Variants in SLC25A48 observed in about 807,000 individuals in gnomAD.
SLC25A48 encodes the protein solute carrier family 25 member 48, also known as CTC-321K16.1.
In SLC25A48, 29 loss-of-function variants were observed where a neutral mutation model predicts 32.2. The observed-to-expected ratio is 0.90, with a 90% CI of 0.67 to 1.23. The LOEUF is 1.23. SLC25A48 is among the 50% of genes most tolerant of loss of function. The pLI is 0.00. For synonymous variants in SLC25A48, 164 were observed against 172.3 expected (o/e 0.95, Z 0.38); for missense variants, 399 against 422.7 (o/e 0.94, Z 0.49).
At chr5:135,581,609 T>A (rs1004238886) in intron 1 of SLC25A48, among the ~76,000 whole-genome samples, 1 of 152,096 alleles carries the variant, frequency 6.6e-6, no homozygotes, top group Non-Finnish European at 1.5e-5. Flanking sequence ...GGGCACTGAG[T>A]TTTCACAGGA....
At chr5:135,586,321 T>C (rs1376654599) in intron 1 of SLC25A48, among the ~76,000 whole-genome samples, 1 of 152,234 alleles carries the variant, frequency 6.6e-6, no homozygotes, top group Non-Finnish European at 1.5e-5. Flanking sequence ...CCCAGAGTTC[T>C]CAACCAGCTA....
chr5:135,867,143 T>G (rs1290070427), intron 4 of SLC25A48, among the ~76,000 whole-genome samples: 5 of 152,226 alleles, frequency 3.3e-5, no homozygotes, highest in Non-Finnish European at 5.9e-5. Flanking sequence ...TAAAAAATTC[T>G]AATTAGAGAA....
intron 3 of SLC25A48, among the ~76,000 whole-genome samples, chr5:135,792,636 G>C (rs776262678): frequency 6.6e-6 from 1 of 151,570 alleles, no homozygotes; most frequent in Non-Finnish European, 1.5e-5. Context: ...GATATTATTC[G>C]TAACATCCCC....
At chr5:135,856,849 T>C (rs1251960324) in intron 4 of SLC25A48, among the ~76,000 whole-genome samples, 1 of 152,248 alleles carries the variant, frequency 6.6e-6, no homozygotes, top group Non-Finnish European at 1.5e-5. Context: ...TCCAGGCCCC[T>C]GTGCTGGCTC....
In SLC25A48 at chr5:135,592,271, C is replaced by G. The variant is rs1858067; in HGVS notation, c.-849+12674C>G. ...CACCTACTAAGCGCTGAGCCCTTCA[C>G]CCCCGTGGCCTCATCAGGGAGGCGT... On this transcript the variant is annotated intron_variant, in intron 1 of 10. Coordinates refer to the SLC25A48 transcript ENST00000646290. Among the ~76,000 whole-genome samples, 1,478 of 152,310 alleles carry G rather than the reference C, an allele frequency of 9.7e-3. 20 individuals carry two copies. The highest frequency in any genetic ancestry group is 0.033 in the African/African-American group (1,360 of 41,562).
intron 3 of SLC25A48, among the ~76,000 whole-genome samples, chr5:135,806,982 A>G: frequency 6.6e-6 from 1 of 150,538 alleles, no homozygotes; most frequent in Non-Finnish European, 1.5e-5. Flanking sequence ...GTTAAAACAC[A>G]GGATTAACAC....
intron 3 of SLC25A48, chr5:135,653,988 A>C (rs1580757867): frequency 2.2e-6 from 1 of 452,380 alleles, no homozygotes; most frequent in Non-Finnish European, 4.4e-6. Flanking sequence ...CTAACCTGGG[A>C]CCTGCCATAT....
chr5:135,728,652 C>G (rs1350606532), intron 3 of SLC25A48, among the ~76,000 whole-genome samples: 1 of 152,096 alleles, frequency 6.6e-6, no homozygotes, highest in African/African-American at 2.4e-5. Flanking sequence ...ATTACTTCCT[C>G]AGGAAAAACT....
In SLC25A48 at chr5:135,734,855, G is replaced by A. The variant is rs924892838; in HGVS notation, c.-520-77668G>A. On this transcript the variant is annotated intron_variant, in intron 3 of 10. Coordinates refer to the SLC25A48 transcript ENST00000646290. Reference sequence around the variant, plus strand: ...AAAAAAAGAAGAAGAAGAAGGGGACGGACTTAACCTCCACTGTAAGAGTTA... The same window carrying A: ...AAAAAAAGAAGAAGAAGAAGGGGACAGACTTAACCTCCACTGTAAGAGTTA... Among the ~76,000 whole-genome samples the A allele has an allele frequency of 8.0e-5, 12 of 150,910 alleles. No homozygotes were observed. The East Asian group carries it at 1.8e-3, about 22-fold the overall frequency.
At chr5:135,852,258 C>T (rs1253149519) in intron 3 of SLC25A48, among the ~76,000 whole-genome samples, 1 of 152,178 alleles carries the variant, frequency 6.6e-6, no homozygotes, top group African/African-American at 2.4e-5. Flanking sequence ...CCCTTGGCCA[C>T]AGCCTGACTT....
chr5:135,585,040 C>T (rs551654372), intron 1 of SLC25A48, among the ~76,000 whole-genome samples: 21 of 152,340 alleles, frequency 1.4e-4, no homozygotes, highest in African/African-American at 3.8e-4. Context: ...CAGACGCTGG[C>T]GATGGGCGAT....
At chr5:135,819,874 G>A (rs181137051) in intron 4 of SLC25A48, among the ~76,000 whole-genome samples, 18 of 152,178 alleles carry the variant, frequency 1.2e-4, no homozygotes, top group African/African-American at 4.3e-4. Flanking sequence ...TAAAACCAGC[G>A]TGGTATCTAT....
At chr5:135,605,919 A>G (rs1490483291) in intron 1 of SLC25A48, among the ~76,000 whole-genome samples, 1 of 152,176 alleles carries the variant, frequency 6.6e-6, no homozygotes, top group African/African-American at 2.4e-5. Context: ...TTTACATGTT[A>G]CCTATTATTT....
In SLC25A48 at chr5:135,880,080, C is replaced by A; in HGVS notation, c.926C>A (p.Thr309Lys). Residue 309 changes from threonine (T) to lysine (K), a missense_variant, in exon 7 of 8, where the codon ACG becomes AAG. Physicochemically the swap from Thr to Lys is moderately conservative, Grantham distance 78. Transcript: ENST00000681962. ...LQAIRGDHAV[T>K]SP The stretch of plus-strand genomic sequence containing the variant: ...GCTATCCGCGGGGACCACGCAGTGA[C>A]GAGCCCATAAGCGCCAGGTCAGTGT... 2 of 1,535,960 alleles carry A rather than the reference C, an allele frequency of 1.3e-6. No homozygotes were observed. Among genetic ancestry groups the A allele is most frequent in the Non-Finnish European group, 1.7e-6 (2 of 1,146,844 alleles).
At chr5:135,824,976 G>A (rs1404940233) in intron 4 of SLC25A48, 1 of 152,282 alleles carries the variant, frequency 6.6e-6, no homozygotes, top group Non-Finnish European at 1.5e-5. Context: ...TGGGAGCACA[G>A]ACACTGCAGG....
intron 3 of SLC25A48, among the ~76,000 whole-genome samples, chr5:135,653,489 A>G (rs1164852234): frequency 2.0e-5 from 3 of 152,178 alleles, no homozygotes; most frequent in African/African-American, 7.2e-5. Flanking sequence ...CCAGGTAAAG[A>G]CCCCAGTCTG....
intron 3 of SLC25A48, among the ~76,000 whole-genome samples, chr5:135,718,902 C>T (rs1754878864): frequency 6.6e-6 from 1 of 152,164 alleles, no homozygotes; most frequent in South Asian, 2.1e-4. Flanking sequence ...TTGGAGCTGC[C>T]CTGTGTCTTG....
At chr5:135,664,966 T>C (rs1158357396) in intron 3 of SLC25A48, among the ~76,000 whole-genome samples, 4 of 152,222 alleles carry the variant, frequency 2.6e-5, no homozygotes, top group Non-Finnish European at 5.9e-5. Context: ...GATTGAATGG[T>C]AGATCTACTT....
At chr5:135,657,600 A>G (rs755527356) in intron 3 of SLC25A48, among the ~76,000 whole-genome samples, 9 of 152,234 alleles carry the variant, frequency 5.9e-5, no homozygotes, top group Admixed American at 1.3e-4. Context: ...GGGAGTCCCA[A>G]GTAAGTTCTC....
Sources: gnomAD v4.1 joint callset for allele counts (sites outside exome capture counted in the v4.1 genomes callset) on GRCh38, gnomAD v4.1.1 for gene constraint, MANE v1.5 for transcripts, NCBI Gene and HGNC (gene_info 2026-07-23, HGNC 2026-07-21) for gene names.